Variants in ADGRF3 observed in about 807,000 individuals in gnomAD.
ADGRF3 encodes the protein adhesion G protein-coupled receptor F3.
Under a neutral mutation model 93.2 loss-of-function variants are expected in ADGRF3, and 85 were observed. The observed-to-expected ratio is 0.91, with a 90% CI of 0.77 to 1.09. The LOEUF (loss-of-function observed/expected upper bound fraction) is 1.09. ADGRF3 is among the 50% of genes least tolerant of loss of function. ADGRF3 has a pLI of 0.00. For missense variants in ADGRF3, 1,125 were observed against 1,246.2 expected (o/e 0.90, Z 1.46); for synonymous variants, 534 against 532.5 (o/e 1.00, Z -0.04).
intron 1 of ADGRF3, among the ~76,000 whole-genome samples, chr2:26,332,531 G>C (rs1354419625): frequency 6.6e-6 from 1 of 152,178 alleles, no homozygotes; most frequent in South Asian, 2.1e-4. Flanking sequence ...CATAAGCTCA[G>C]AAGTTTGAGA....
chr2:26,310,706 G>A lies in ADGRF3; in HGVS notation c.2818C>T (p.Leu940Phe), dbSNP rs772796246. ...CTATCACCTACCTGGAGGGTGTTGA[G>A]AATGGTGAAGATGTAATGAGGGACC... is the stretch of plus-strand genomic sequence containing the variant. ...STVPHYIFTILNTLQGVFILL... is the reference protein window; with the variant it reads ...STVPHYIFTIFNTLQGVFILL... Residue 940 changes from leucine to phenylalanine, a missense_variant, in exon 10 of 14, where the codon CTC becomes TTC. Coordinates refer to ENST00000651242, the MANE Select transcript of ADGRF3 (RefSeq NM_001321971.2). 6.2e-7 allele frequency: 1 copy of A among 1,611,648 alleles called. No individual in the cohort carries two copies. The highest frequency in any genetic ancestry group is 2.2e-5 in the East Asian group (1 of 44,814).
intron 1 of ADGRF3, chr2:26,345,860 A>G: frequency 2.1e-6 from 1 of 478,284 alleles, no homozygotes; most frequent in South Asian, 2.9e-5. Context: ...TTGACCTTTC[A>G]CCCCCTCTCT....
intron 1 of ADGRF3, among the ~76,000 whole-genome samples, chr2:26,343,578 T>C (rs1370705647): frequency 6.6e-6 from 1 of 152,178 alleles, no homozygotes; most frequent in Non-Finnish European, 1.5e-5. Flanking sequence ...TAGCTGGGAC[T>C]ACAGGTACCC....
At chr2:26,332,718 C>A (rs754582833) in intron 1 of ADGRF3, among the ~76,000 whole-genome samples, 17 of 152,148 alleles carry the variant, frequency 1.1e-4, no homozygotes, top group Non-Finnish European at 2.4e-4. Context: ...CCAGCCTGGA[C>A]AACAGAGTGA....
intron 1 of ADGRF3, among the ~76,000 whole-genome samples, chr2:26,330,354 T>C (rs913028594): frequency 2.0e-5 from 3 of 152,196 alleles, no homozygotes; most frequent in Non-Finnish European, 2.9e-5. Flanking sequence ...TCTTGTCCTC[T>C]TCCTTTCTGG....
rs1261152515 is a variant in ADGRF3, at chr2:26,310,892, T to C, written c.2632A>G (p.Met878Val). 1 of 1,612,670 alleles carries C rather than the reference T, an allele frequency of 6.2e-7. No homozygotes were observed. The highest frequency in any genetic ancestry group is 1.1e-5 in the South Asian group (1 of 90,938). ...GGTCTCAGCAACTTCAGCATGGCCA[T>C]GGCTAGTACCAGCCCATTCACGCCT... is the stretch of plus-strand genomic sequence containing the variant. ...IIGVNGLVLA[M>V]AMLKLLRPSL... Residue 878 changes from methionine (M) to valine (V), a missense_variant, in exon 10 of 14, where the codon ATG (methionine) becomes GTG (valine). By Grantham distance (21) the Met-to-Val change is conservative (BLOSUM62 1). Transcript: ENST00000651242.
chr2:26,315,825 C>G, intron 4 of ADGRF3, 85 bp from the exon 5 acceptor site: 2 of 1,525,626 alleles, frequency 1.3e-6, no homozygotes, highest in Non-Finnish European at 1.8e-6. Flanking sequence ...TCCCCTGACT[C>G]TGGAGCCCAT....
intron 1 of ADGRF3, chr2:26,340,524 T>TA (rs1407207582): frequency 6.6e-6 from 1 of 152,140 alleles, no homozygotes; most frequent in Non-Finnish European, 1.5e-5. Context: ...AAACTGAAAT[T>TA]AAAAAAGAAC....
intron 12 of ADGRF3, chr2:26,309,805 A>G: frequency 4.7e-6 from 5 of 1,064,104 alleles, no homozygotes; most frequent in Non-Finnish European, 6.7e-6. Flanking sequence ...AACCAGAGAA[A>G]AGAGAGTCAG....
intron 12 of ADGRF3, 94 bp downstream of exon 12, chr2:26,309,949 T>C: frequency 1.2e-6 from 2 of 1,613,638 alleles, no homozygotes; most frequent in Non-Finnish European, 8.5e-7. Context: ...TTCTCTCAGC[T>C]TCTGGCTGTG....
chr2:26,324,496 G>A (rs962815139), intron 1 of ADGRF3, among the ~76,000 whole-genome samples: 3 of 108,594 alleles, frequency 2.8e-5, no homozygotes, highest in African/African-American at 1.3e-4. Flanking sequence ...CCTCTGAAAG[G>A]CCCCAGTGTG....
intron 1 of ADGRF3, 63 bp downstream of exon 1, chr2:26,346,058 A>T (rs1676720646): frequency 6.7e-7 from 1 of 1,488,864 alleles, no homozygotes. Flanking sequence ...TTGCGCACTG[A>T]GAGGCGGCCG....
At chr2:26,336,335 T>TGTGTGTGTGTGTGA (rs751675380) in intron 1 of ADGRF3, among the ~76,000 whole-genome samples, 4 of 151,316 alleles carry the variant, frequency 2.6e-5, no homozygotes, top group Admixed American at 6.6e-5. Context: ...TGTGTGTGTG[T>TGTGTGTGTGTGTGA]GAGTGTGTGT....
In ADGRF3 at chr2:26,311,168, C is replaced by T. The variant is rs1409937069; in HGVS notation, c.2356G>A (p.Ala786Thr). 3.1e-6 allele frequency: 5 copies of T among 1,596,882 alleles called. No homozygotes were observed. Among genetic ancestry groups the T allele is most frequent in the Non-Finnish European group, 4.3e-6 (5 of 1,172,170 alleles). The change falls in exon 10 of 14, where the codon GCC becomes ACC. Residue 786 changes from alanine (A) to threonine (T), a missense_variant. Ala to Thr is a moderately conservative substitution (Grantham distance 58). Transcript: ENST00000651242. ...TGCGCCAGCATCCAGAAAAAGGTGG[C>T]CAGGTAGAGGAAATGACAGAGGAAG... ...AAFLCHFLYL[A>T]TFFWMLAQAL...
intron 1 of ADGRF3, among the ~76,000 whole-genome samples, chr2:26,342,849 T>C (rs1006183482): frequency 6.6e-6 from 1 of 152,216 alleles, no homozygotes; most frequent in African/African-American, 2.4e-5. Context: ...GGTGACTTAG[T>C]TCCAAAGGCA....
chr2:26,318,168 T>C (rs141413963), intron 1 of ADGRF3: 7 of 1,236,692 alleles, frequency 5.7e-6, no homozygotes, highest in Non-Finnish European at 7.8e-6. Context: ...AGAGAGAACA[T>C]GGCAGTCCTT....
At chr2:26,324,673 A>C (rs1436508025) in intron 1 of ADGRF3, among the ~76,000 whole-genome samples, 1 of 152,206 alleles carries the variant, frequency 6.6e-6, no homozygotes, top group Non-Finnish European at 1.5e-5. Flanking sequence ...TTATGGCTGC[A>C]TAGTATTCCA....
chr2:26,344,818 C>A (rs1676607192), intron 1 of ADGRF3, among the ~76,000 whole-genome samples: 2 of 152,110 alleles, frequency 1.3e-5, no homozygotes, highest in South Asian at 4.1e-4. Flanking sequence ...GTGAGTCAGT[C>A]CCTGTCTCAG....
At chr2:26,317,145 C>T in intron 2 of ADGRF3, 90 bp from the exon 3 acceptor site, 1 of 1,381,272 alleles carries the variant, frequency 7.2e-7, no homozygotes, top group South Asian at 1.3e-5. Flanking sequence ...TGGCCAGTCC[C>T]AGGAATGCAG....
Sources: allele counts gnomAD v4.1 joint callset (sites outside exome capture counted in the v4.1 genomes callset), GRCh38; gene constraint gnomAD v4.1.1; transcripts MANE v1.5; gene names NCBI Gene and HGNC (gene_info 2026-07-23, HGNC 2026-07-21).